ZBTB7C: variants seen among roughly 807,000 people sequenced by gnomAD.
ZBTB7C encodes the protein zinc finger and BTB domain containing 7C, also known as zinc finger and BTB domain-containing protein 7C.
In ZBTB7C, 8 loss-of-function variants were observed where a neutral mutation model predicts 25.7. The observed-to-expected ratio is 0.31, with a 90% CI of 0.18 to 0.56. The LOEUF (loss-of-function observed/expected upper bound fraction) is 0.56, where lower values mean the gene tolerates loss of function less well. Ranked by LOEUF, ZBTB7C falls within the 20% of genes least tolerant of loss-of-function variation. ZBTB7C has a pLI of 0.91. For synonymous variants in ZBTB7C, 394 were observed against 369.0 expected (o/e 1.07, Z -0.78); for missense variants, 824 against 855.2 (o/e 0.96, Z 0.46).
At chr18:48,209,429 G>C (rs2042651904) in intron 2 of ZBTB7C, among the ~76,000 whole-genome samples, 1 of 152,152 alleles carries the variant, frequency 6.6e-6, no homozygotes, top group African/African-American at 2.4e-5. Flanking sequence ...AAGACACAAA[G>C]TTACCAAAAG....
intron 3 of ZBTB7C, among the ~76,000 whole-genome samples, chr18:48,159,149 G>T (rs2040926285): frequency 6.6e-6 from 1 of 152,116 alleles, no homozygotes; most frequent in South Asian, 2.1e-4. Context: ...CTTCTGGAAG[G>T]GTAGGGGTCA....
intron 1 of ZBTB7C, among the ~76,000 whole-genome samples, chr18:48,364,560 G>A (rs569537008): frequency 3.3e-5 from 5 of 152,310 alleles, no homozygotes; most frequent in Non-Finnish European, 5.9e-5. Flanking sequence ...TGAAGAGGCC[G>A]TATAGGAGGT....
chr18:48,161,710 G>GGGCGCCCCGCCCCA (rs2041048557), intron 3 of ZBTB7C, among the ~76,000 whole-genome samples: 1 of 148,250 alleles, frequency 6.7e-6, no homozygotes, highest in Non-Finnish European at 1.5e-5. Flanking sequence ...GGCCCGGCCC[G>GGGCGCCCCGCCCCA]GGCGCCCCGC....
chr18:48,133,424 G>C (rs915083944), intron 3 of ZBTB7C, among the ~76,000 whole-genome samples: 1 of 152,232 alleles, frequency 6.6e-6, no homozygotes, highest in Non-Finnish European at 1.5e-5. Context: ...CAGTGGGAAA[G>C]TGAAATTATG....
At chr18:48,248,265 C>A (rs2043752395) in intron 2 of ZBTB7C, among the ~76,000 whole-genome samples, 1 of 152,170 alleles carries the variant, frequency 6.6e-6, no homozygotes. Context: ...GAGGCCTCCC[C>A]AGCCATGCAA....
intron 1 of ZBTB7C, among the ~76,000 whole-genome samples, chr18:48,351,899 G>A (rs916601133): frequency 2.6e-5 from 4 of 152,142 alleles, no homozygotes; most frequent in African/African-American, 9.7e-5. Context: ...GAGGGGGCTG[G>A]AGCAGACAGA....
At chr18:48,100,480 G>C (rs1050439075) in intron 3 of ZBTB7C, among the ~76,000 whole-genome samples, 5 of 152,100 alleles carry the variant, frequency 3.3e-5, no homozygotes, top group African/African-American at 1.2e-4. Flanking sequence ...ATAAATCTTG[G>C]GAGAGTATCT....
At position 48,057,921 on chromosome 18, in the gene ZBTB7C, C is replaced by T. The variant is rs548863327; in HGVS notation, c.-16-16798G>A. Reference sequence around the variant, plus strand: ...ACATTAGAGGTGGCCCATGTTCTGCCCAGCACCTGTCTACTGCACGGTAAT... The same window carrying T: ...ACATTAGAGGTGGCCCATGTTCTGCTCAGCACCTGTCTACTGCACGGTAAT... On this transcript the variant is annotated intron_variant, in intron 3 of 4. Coordinates refer to ENST00000590800, the MANE Select transcript of ZBTB7C (RefSeq NM_001318841.2). 2.1e-4 allele frequency among the ~76,000 whole-genome samples: 32 copies of T among 152,264 alleles called. No homozygotes were observed. In the East Asian group the frequency reaches 6.2e-3, roughly 29 times the overall value.
At chr18:48,266,042 C>A (rs181685587) in intron 2 of ZBTB7C, among the ~76,000 whole-genome samples, 1 of 152,200 alleles carries the variant, frequency 6.6e-6, no homozygotes, top group Admixed American at 6.5e-5. Context: ...GATGATGGAG[C>A]GTCAGTTTGG....
intron 3 of ZBTB7C, among the ~76,000 whole-genome samples, chr18:48,126,863 C>T (rs1468376729): frequency 6.6e-6 from 1 of 151,992 alleles, no homozygotes. Context: ...TCCGCCTGGG[C>T]CCAGGTCAGA....
chr18:48,197,930 G>A (rs918775891), intron 2 of ZBTB7C, among the ~76,000 whole-genome samples: 2 of 152,108 alleles, frequency 1.3e-5, no homozygotes, highest in Admixed American at 1.3e-4. Flanking sequence ...ATGAAAATGA[G>A]GTTTTATCTC....
chr18:48,356,478 C>T (rs374067363), intron 1 of ZBTB7C, among the ~76,000 whole-genome samples: 7 of 152,308 alleles, frequency 4.6e-5, no homozygotes, highest in African/African-American at 1.4e-4. Context: ...AACTGTGCTA[C>T]GGGCTTTTCC....
chr18:48,158,554 G>A (rs908128758), intron 3 of ZBTB7C, among the ~76,000 whole-genome samples: 6 of 152,072 alleles, frequency 3.9e-5, no homozygotes, highest in African/African-American at 1.4e-4. Context: ...AGACCTTTTT[G>A]GCTCTCATCT....
chr18:48,224,790 C>T (rs2043048989), intron 2 of ZBTB7C, among the ~76,000 whole-genome samples: 1 of 152,146 alleles, frequency 6.6e-6, no homozygotes, highest in Non-Finnish European at 1.5e-5. Context: ...CAAAACTATA[C>T]ATTTTGCATA....
chr18:48,187,578 C>A (rs1357385334), intron 2 of ZBTB7C, among the ~76,000 whole-genome samples: 1 of 151,962 alleles, frequency 6.6e-6, no homozygotes, highest in Admixed American at 6.6e-5. Flanking sequence ...CTTTGGGAGG[C>A]CAAGGTGGGC....
intron 1 of ZBTB7C, among the ~76,000 whole-genome samples, chr18:48,358,712 G>C (rs1568398316): frequency 2.0e-5 from 3 of 152,140 alleles, no homozygotes. Context: ...AGAACACTGA[G>C]GGTTTATGCT....
At chr18:48,057,066 A>AC (rs2036946047) in intron 3 of ZBTB7C, among the ~76,000 whole-genome samples, 1 of 151,264 alleles carries the variant, frequency 6.6e-6, no homozygotes, top group Admixed American at 6.6e-5. Context: ...AAAAAAAAAA[A>AC]AAAACCAACC....
At chr18:48,391,046 C>T (rs1271404104) in intron 1 of ZBTB7C, among the ~76,000 whole-genome samples, 2 of 152,196 alleles carry the variant, frequency 1.3e-5, no homozygotes, top group Non-Finnish European at 2.9e-5. Context: ...AGTTGTATGG[C>T]TTAAAACCTC....
chr18:48,074,642 A>G (rs986760641), intron 3 of ZBTB7C, among the ~76,000 whole-genome samples: 2 of 152,248 alleles, frequency 1.3e-5, no homozygotes, highest in African/African-American at 4.8e-5. Flanking sequence ...GACCAATTGC[A>G]GACAGCACTC....
Sources: allele counts gnomAD v4.1 joint callset (sites outside exome capture counted in the v4.1 genomes callset), GRCh38; gene constraint gnomAD v4.1.1; transcripts MANE v1.5; gene names NCBI Gene and HGNC (gene_info 2026-07-23, HGNC 2026-07-21).